The following SORCS3 variants were observed in gnomAD, a reference collection of about 807,000 sequenced individuals.
SORCS3 encodes VPS10 domain-containing receptor SorCS3.
Under a neutral mutation model 146.3 loss-of-function variants are expected in SORCS3, and 57 were observed. That is an observed-to-expected ratio of 0.39 (90% CI 0.31 to 0.49). SORCS3 has a LOEUF of 0.49. Among genes scored for constraint, SORCS3 ranks in the 20% least tolerant of loss-of-function variants. The pLI is 0.92. For missense variants in SORCS3, 1,341 were observed against 1,575.5 expected, an observed-to-expected ratio of 0.85 and a Z score of 2.52; for synonymous variants, 653 against 618.5, an observed-to-expected ratio of 1.06 and a Z score of -0.83.
intron 20 of SORCS3, among the ~76,000 whole-genome samples, chr10:105,242,532 TTA>T (rs1172131915): frequency 9.6e-6 from 1 of 104,146 alleles, no homozygotes; most frequent in Non-Finnish European, 1.7e-5. Flanking sequence ...TTATATATAT[TTA>T]TATATATTTA....
At chr10:105,119,789 T>C (rs886848954) in intron 7 of SORCS3, among the ~76,000 whole-genome samples, 18 of 152,310 alleles carry the variant, frequency 1.2e-4, no homozygotes, top group South Asian at 4.1e-4. Context: ...ACCCAATGCC[T>C]ATACCCCCAT....
At chr10:104,723,737 C>T (rs1345514351) in intron 1 of SORCS3, among the ~76,000 whole-genome samples, 1 of 152,066 alleles carries the variant, frequency 6.6e-6, no homozygotes. Flanking sequence ...GTGTAATGAC[C>T]TTTGTCTCTT....
chr10:104,784,475 C>T (rs894315793), intron 1 of SORCS3, among the ~76,000 whole-genome samples: 2 of 152,196 alleles, frequency 1.3e-5, no homozygotes, highest in African/African-American at 4.8e-5. Context: ...TTGTAACAGC[C>T]CTTCAAAATC....
chr10:105,184,018 G>T (rs1177954010), intron 14 of SORCS3, among the ~76,000 whole-genome samples: 1 of 152,174 alleles, frequency 6.6e-6, no homozygotes, highest in East Asian at 1.9e-4. Context: ...TGGATGTGAG[G>T]ACTAAGTGAA....
rs971697331 is a variant in SORCS3 at position 105,134,645 on chromosome 10, A to G, written c.1213-4752A>G. On this transcript the variant is annotated intron_variant, in intron 7 of 26. Transcript: ENST00000369701. ...CCTGAGGAAGAAGCCCTCATGGCCT[A>G]ATCACCTCTTGAACGGCCCCAACTC... is the stretch of plus-strand genomic sequence containing the variant. Among the ~76,000 whole-genome samples, 4 of 152,182 alleles carry G rather than the reference A, an allele frequency of 2.6e-5. No individual in the cohort carries two copies. The East Asian group carries it at 7.7e-4, about 29-fold the overall frequency.
intron 8 of SORCS3, among the ~76,000 whole-genome samples, chr10:105,145,280 T>C (rs976025566): frequency 2.6e-5 from 4 of 152,194 alleles, no homozygotes; most frequent in African/African-American, 7.2e-5. Context: ...AGTAATGTTA[T>C]TTATTAGCTT....
intron 4 of SORCS3, among the ~76,000 whole-genome samples, chr10:105,018,741 G>C (rs1024859181): frequency 6.6e-6 from 1 of 152,148 alleles, no homozygotes. Context: ...CATAGATATA[G>C]TTGCTCCTTC....
chr10:104,776,740 G>C (rs1343244229), intron 1 of SORCS3, among the ~76,000 whole-genome samples: 1 of 150,422 alleles, frequency 6.6e-6, no homozygotes, highest in African/African-American at 2.4e-5. Context: ...ACCCAAGATC[G>C]CTGTATCAGC....
At chr10:104,909,150 T>C (rs2018939935) in intron 2 of SORCS3, among the ~76,000 whole-genome samples, 1 of 152,164 alleles carries the variant, frequency 6.6e-6, no homozygotes, top group East Asian at 1.9e-4. Context: ...TTTGCTATTG[T>C]GCTTGGCTTG....
At position 105,105,435 on chromosome 10, in the gene SORCS3, G is replaced by A. The variant is rs773559316; in HGVS notation, c.1132G>A (p.Glu378Lys). 1.5e-5 allele frequency: 25 copies of A among 1,613,568 alleles called. No individual in the cohort carries two copies. Among genetic ancestry groups the A allele is most frequent in the East Asian group, 2.2e-5 (1 of 44,858 alleles). Reference sequence around the variant, plus strand: ...CACCTGCAGGATCCAGGAATGTGCCGAGACAACTAGAAGTGGGCCTTTTGC... The same window carrying A: ...CACCTGCAGGATCCAGGAATGTGCCAAGACAACTAGAAGTGGGCCTTTTGC... ...YLTCRIQECA[E>K]TTRSGPFARS... Residue 378 changes from glutamate to lysine, a missense_variant, in exon 7 of 27, where the codon GAG (glutamate) becomes AAG (lysine). Coordinates refer to ENST00000369701, the MANE Select transcript of SORCS3 (RefSeq NM_014978.3).
At chr10:105,037,300 G>T (rs907754800) in intron 4 of SORCS3, among the ~76,000 whole-genome samples, 13 of 152,190 alleles carry the variant, frequency 8.5e-5, no homozygotes, top group African/African-American at 3.1e-4. Context: ...TCTCCAGACT[G>T]CCTAGTCCTG....
intron 1 of SORCS3, among the ~76,000 whole-genome samples, chr10:104,688,655 C>G (rs2016077884): frequency 6.6e-6 from 1 of 152,160 alleles, no homozygotes; most frequent in Non-Finnish European, 1.5e-5. Flanking sequence ...TTCCTCTTTT[C>G]TTCCTCCCCT....
intron 2 of SORCS3, among the ~76,000 whole-genome samples, chr10:104,888,841 C>A (rs2133581397): frequency 6.6e-6 from 1 of 152,258 alleles, no homozygotes; most frequent in Non-Finnish European, 1.5e-5. Flanking sequence ...TGGGGAGTGA[C>A]TGAGTTGGCT....
chr10:105,038,328 T>C (rs1387775848), intron 4 of SORCS3, among the ~76,000 whole-genome samples: 1 of 152,224 alleles, frequency 6.6e-6, no homozygotes, highest in African/African-American at 2.4e-5. Flanking sequence ...TGCAGGACTG[T>C]ATAAACATCC....
chr10:105,073,160 C>T (rs2055568556), intron 5 of SORCS3, among the ~76,000 whole-genome samples: 1 of 147,680 alleles, frequency 6.8e-6, no homozygotes. Context: ...GAGGAAGAGA[C>T]AGGAAAGGAC....
intron 1 of SORCS3, among the ~76,000 whole-genome samples, chr10:104,721,108 C>A (rs985437429): frequency 2.0e-5 from 3 of 152,014 alleles, no homozygotes; most frequent in East Asian, 1.9e-4. Context: ...TGATGGTTTT[C>A]GGTCTAACAT....
At chr10:105,219,662 T>C (rs1163989221) in intron 19 of SORCS3, among the ~76,000 whole-genome samples, 3 of 152,222 alleles carry the variant, frequency 2.0e-5, no homozygotes, top group Non-Finnish European at 2.9e-5. Flanking sequence ...TGGTGCATGA[T>C]GAATTAGAGT....
At chr10:104,807,677 T>C (rs993807393) in intron 1 of SORCS3, among the ~76,000 whole-genome samples, 1 of 152,194 alleles carries the variant, frequency 6.6e-6, no homozygotes, top group African/African-American at 2.4e-5. Flanking sequence ...GTGAGGCTGA[T>C]TTTTGTAGTT....
intron 4 of SORCS3, among the ~76,000 whole-genome samples, chr10:105,012,102 C>T (rs1444944762): frequency 8.5e-5 from 13 of 152,122 alleles, no homozygotes; most frequent in Admixed American, 8.5e-4. Flanking sequence ...CTCTGGGTCT[C>T]CAGCACAGCA....
Sources: gnomAD v4.1 joint callset for allele counts (sites outside exome capture counted in the v4.1 genomes callset) on GRCh38, gnomAD v4.1.1 for gene constraint, MANE v1.5 for transcripts, NCBI Gene and HGNC (gene_info 2026-07-23, HGNC 2026-07-21) for gene names.